Variants in TRIM24 observed in about 807,000 individuals in gnomAD.
The protein encoded by TRIM24 is transcription intermediary factor 1-alpha.
TRIM24 carries 29 observed loss-of-function variants against 123.9 expected under a neutral mutation model. That is an observed-to-expected ratio of 0.23 (90% CI 0.17 to 0.32). The LOEUF (loss-of-function observed/expected upper bound fraction) is 0.32. Among genes scored for constraint, TRIM24 ranks in the 10% least tolerant of loss-of-function variants. The pLI is 1.00. For synonymous variants in TRIM24, 456 were observed against 461.1 expected, an observed-to-expected ratio of 0.99 and a Z score of 0.14; for missense variants, 932 against 1,295.3, an observed-to-expected ratio of 0.72 and a Z score of 4.31.
At chr7:138,521,769 A>G (rs986687997) in intron 4 of TRIM24, among the ~76,000 whole-genome samples, 9 of 152,220 alleles carry the variant, frequency 5.9e-5, no homozygotes, top group Non-Finnish European at 7.3e-5. Flanking sequence ...CCATATAAAT[A>G]TTAACCAAAG....
intron 9 of TRIM24, among the ~76,000 whole-genome samples, chr7:138,555,215 A>G (rs900354999): frequency 1.3e-5 from 2 of 152,136 alleles, no homozygotes; most frequent in Non-Finnish European, 2.9e-5. Context: ...TGAAGGATAA[A>G]TGTTTGTATT....
intron 4 of TRIM24, among the ~76,000 whole-genome samples, chr7:138,519,716 A>G (rs1485901886): frequency 6.6e-6 from 1 of 152,120 alleles, no homozygotes; most frequent in Non-Finnish European, 1.5e-5. Flanking sequence ...AGCATTGTAA[A>G]ATGGGGAGAT....
chr7:138,564,095 A>G (rs1408988862), intron 9 of TRIM24, among the ~76,000 whole-genome samples: 3 of 152,162 alleles, frequency 2.0e-5, no homozygotes, highest in Non-Finnish European at 2.9e-5. Flanking sequence ...CATTAAATCT[A>G]TGAGGGCCTG....
chr7:138,548,779 TA>T (rs1286903018), intron 7 of TRIM24, among the ~76,000 whole-genome samples: 1 of 152,210 alleles, frequency 6.6e-6, no homozygotes, highest in East Asian at 1.9e-4. Flanking sequence ...TTCATAAGCT[TA>T]GGTATTTATT....
chr7:138,529,825 AG>A (rs1348963849), intron 6 of TRIM24, among the ~76,000 whole-genome samples: 1 of 152,202 alleles, frequency 6.6e-6, no homozygotes. Context: ...AAATCATATA[AG>A]GTTATAACAG....
At chr7:138,509,383 A>T (rs1796236964) in intron 2 of TRIM24, among the ~76,000 whole-genome samples, 1 of 149,408 alleles carries the variant, frequency 6.7e-6, no homozygotes, top group Admixed American at 6.7e-5. Flanking sequence ...TCTTGGTGCA[A>T]TTAGGAATCA....
intron 6 of TRIM24, among the ~76,000 whole-genome samples, chr7:138,534,206 T>A (rs1796814541): frequency 2.6e-5 from 4 of 152,342 alleles, no homozygotes; most frequent in Admixed American, 2.6e-4. Flanking sequence ...TTTGTGTCTC[T>A]ATCTCCTTCA....
intron 7 of TRIM24, among the ~76,000 whole-genome samples, chr7:138,548,709 G>T (rs925449300): frequency 8.6e-5 from 13 of 151,736 alleles, no homozygotes; most frequent in African/African-American, 3.1e-4. Flanking sequence ...TTTGATTTTT[G>T]TAATAACCAG....
At chr7:138,542,549 T>C (rs992672206) in intron 7 of TRIM24, among the ~76,000 whole-genome samples, 13 of 152,206 alleles carry the variant, frequency 8.5e-5, no homozygotes, top group Non-Finnish European at 1.6e-4. Context: ...CACGTGAGCA[T>C]GTGCTTGCTG....
At chr7:138,482,372 C>A (rs1295613629) in intron 1 of TRIM24, among the ~76,000 whole-genome samples, 2 of 152,056 alleles carry the variant, frequency 1.3e-5, no homozygotes, top group Non-Finnish European at 2.9e-5. Flanking sequence ...AAGAATCCAC[C>A]TGTCAGGTTT....
In TRIM24 at chr7:138,579,350, G is replaced by C. The variant is rs1283596149; in HGVS notation, c.2403G>C (p.Lys801Asn). The change falls in exon 15 of 19, where the codon AAG becomes AAC. Residue 801 changes from lysine (K) to asparagine (N), a missense_variant. Around this residue, in one of 7 missense-constraint regions of TRIM24, gnomAD observed 527 missense variants for 691.3 expected, o/e 0.76. Transcript: ENST00000343526. ...GLHQDNSSNG[K>N]SEWLDPSQKS... Reference sequence around the variant, plus strand: ...ACCAGGACAATTCCTCAAATGGAAAGTCTGAATGGTTGGATCCTTCCCAGA... The same window carrying C: ...ACCAGGACAATTCCTCAAATGGAAACTCTGAATGGTTGGATCCTTCCCAGA... The C allele has an allele frequency of 1.2e-6, 2 of 1,614,182 alleles. No individual in the cohort carries two copies. The highest frequency in any genetic ancestry group is 1.1e-5 in the South Asian group (1 of 91,078).
Position 138,589,981 on chromosome 7 carries a change from T to C in TRIM24, c.*5030T>C, listed in dbSNP as rs1218050646. The C allele has an allele frequency of 1.3e-5, 2 of 152,206 alleles. No individual in the cohort carries two copies. The highest frequency in any genetic ancestry group is 4.8e-5 in the African/African-American group (2 of 41,454). 9.4% of individuals were successfully genotyped at this position (152,206 alleles called of 1,614,324 possible). On this transcript the variant is annotated 3_prime_UTR_variant, in exon 19 of 19. Transcript: ENST00000343526. ...GCAAGTTAAACATTTAATAAAATTA[T>C]TTTCCCACGTTTTCACATGTGGTAT...
intron 1 of TRIM24, among the ~76,000 whole-genome samples, chr7:138,468,843 A>G (rs1345995641): frequency 6.6e-6 from 1 of 152,116 alleles, no homozygotes; most frequent in Non-Finnish European, 1.5e-5. Flanking sequence ...CCTTCTCCCA[A>G]GTGCTTTGCC....
chr7:138,520,459 A>C (rs1182022433), intron 4 of TRIM24, among the ~76,000 whole-genome samples: 1 of 152,236 alleles, frequency 6.6e-6, no homozygotes, highest in African/African-American at 2.4e-5. Flanking sequence ...TTGCAAAAAC[A>C]GTATTCACAG....
intron 7 of TRIM24, among the ~76,000 whole-genome samples, chr7:138,543,873 C>G (rs1391441423): frequency 6.6e-6 from 1 of 152,062 alleles, no homozygotes; most frequent in Non-Finnish European, 1.5e-5. Context: ...CTCCCTCTAT[C>G]GCCTAGGCTA....
chr7:138,556,565 C>T (rs1797320924), intron 9 of TRIM24, among the ~76,000 whole-genome samples: 1 of 152,198 alleles, frequency 6.6e-6, no homozygotes, highest in Non-Finnish European at 1.5e-5. Context: ...ATAGGCTCCT[C>T]TTTGAGAAGT....
chr7:138,584,991 T>G lies in TRIM24; in HGVS notation c.*40T>G. The G allele has an allele frequency of 3.9e-6, 6 of 1,537,126 alleles. No homozygotes were observed. The highest frequency in any genetic ancestry group is 5.3e-6 in the Non-Finnish European group (6 of 1,140,676). On this transcript the variant is annotated 3_prime_UTR_variant, in exon 19 of 19. Transcript: ENST00000343526. The stretch of plus-strand genomic sequence containing the variant: ...AGCTTGTGCTGGTTTTTAGATTTTT[T>G]TGTTTTCAAAAAAACATTTGTCAGT...
intron 1 of TRIM24, among the ~76,000 whole-genome samples, chr7:138,501,508 G>A (rs1320262215): frequency 6.6e-6 from 1 of 152,044 alleles, no homozygotes; most frequent in Non-Finnish European, 1.5e-5. Flanking sequence ...TAGGATTACA[G>A]GTGTGAGCCA....
intron 1 of TRIM24, among the ~76,000 whole-genome samples, chr7:138,501,860 C>T (rs766605167): frequency 1.1e-4 from 17 of 151,074 alleles, no homozygotes; most frequent in Non-Finnish European, 2.1e-4. Flanking sequence ...TACACTCCAG[C>T]CTGGGAGACA....
Sources: gnomAD v4.1 joint callset for allele counts (sites outside exome capture counted in the v4.1 genomes callset) on GRCh38, gnomAD v4.1.1 for gene constraint, gnomAD v4.1.1 regional missense constraint, MANE v1.5 for transcripts, NCBI Gene and HGNC (gene_info 2026-07-23, HGNC 2026-07-21) for gene names.